The following NOPCHAP1 variants were observed in gnomAD, a reference collection of about 807,000 sequenced individuals.
The protein encoded by NOPCHAP1 is DNA damage-sensitive RNA 1.
Under a neutral mutation model 14.0 loss-of-function variants are expected in NOPCHAP1, and 13 were observed. The ratio of observed to expected loss-of-function variants is 0.93; its 90% CI spans 0.60 to 1.47. NOPCHAP1 has a LOEUF of 1.47. Among genes scored for constraint, NOPCHAP1 ranks in the 40% most tolerant of loss-of-function variants. The pLI, the probability that NOPCHAP1 is intolerant of heterozygous loss-of-function variation, is 0.00. For synonymous variants in NOPCHAP1, 78 were observed against 78.4 expected (o/e 1.00, Z 0.03); for missense variants, 230 against 226.9 (o/e 1.01, Z -0.09).
intron 3 of NOPCHAP1, among the ~76,000 whole-genome samples, chr12:104,992,840 C>G (rs1873410433): frequency 6.6e-6 from 1 of 152,150 alleles, no homozygotes; most frequent in Non-Finnish European, 1.5e-5. Context: ...GGAACAGTTT[C>G]ATCCCCAAAA....
chr12:104,990,900 C>G (rs565635650), intron 2 of NOPCHAP1, among the ~76,000 whole-genome samples: 87 of 152,312 alleles, frequency 5.7e-4, no homozygotes, highest in South Asian at 1.7e-3. Context: ...CAGTAGATTT[C>G]AGGTGCATCT....
In NOPCHAP1 at chr12:105,003,648, AAACTT is replaced by A. The variant is rs1873654016; in HGVS notation, c.*8955_*8959del. On this transcript the variant is annotated 3_prime_UTR_variant, in exon 4 of 4. Transcript: ENST00000552951. ...CTTTGGACGCCACTTCTGACACCAAAAACTTAATTGTTAAAACCTCTAGACAAATT... is the reference window on the plus strand; with the variant it reads ...CTTTGGACGCCACTTCTGACACCAAAAATTGTTAAAACCTCTAGACAAATT... 1 of 152,202 alleles carries A rather than the reference AAACTT, an allele frequency of 6.6e-6. No individual in the cohort carries two copies. Among genetic ancestry groups the A allele is most frequent in the Non-Finnish European group, 1.5e-5 (1 of 68,030 alleles). The allele number at this position is 152,202 out of a possible 1,614,324, so 9.4% of individuals were successfully genotyped here.
rs1444676221 is a variant in NOPCHAP1, at chr12:104,999,646, A to T, written c.*4950A>T. The T allele has an allele frequency of 6.7e-6, 1 of 150,178 alleles. No homozygotes were observed. Among genetic ancestry groups the T allele is most frequent in the African/African-American group, 2.5e-5 (1 of 40,346 alleles). 9.3% of individuals were successfully genotyped at this position (150,178 alleles called of 1,614,324 possible). A position where few individuals can be genotyped will look rare whatever the true frequency, so the allele number is the denominator to read the frequency against. ...TCCACTACAGATGCTCCCGCACCAA[A>T]GCCTCTGGGCTCTGCACCAGCTAGA... On this transcript the variant is annotated 3_prime_UTR_variant, in exon 4 of 4. Transcript: ENST00000552951.
rs781713189 is a variant in NOPCHAP1 at position 104,994,729 on chromosome 12, A to G, written c.*33A>G. On this transcript the variant is annotated 3_prime_UTR_variant, in exon 4 of 4. Transcript: ENST00000552951. ...AATTATCTGAAAAGAAACAGGTGAC[A>G]TATGTCTGCAAATTCTGTGAAAAAG... 1.3e-6 allele frequency: 2 copies of G among 1,535,480 alleles called. No individual in the cohort carries two copies. Among genetic ancestry groups the G allele is most frequent in the South Asian group, 2.3e-5 (2 of 86,234 alleles).
chr12:105,003,083 T>C lies in NOPCHAP1; in HGVS notation c.*8387T>C, dbSNP rs568124095. The C allele has an allele frequency of 2.6e-5, 4 of 152,340 alleles. No individual in the cohort carries two copies. The South Asian group carries it at 8.3e-4, about 32-fold the overall frequency. 9.4% of individuals were successfully genotyped at this position (152,340 alleles called of 1,614,324 possible). A position where few individuals can be genotyped will look rare whatever the true frequency, so the allele number is the denominator to read the frequency against. Reference sequence around the variant, plus strand: ...ATCATCCTTAAGCTACTTAAGGTTTTCATTTGCCTTCTGTAAGGAATCTTT... The same window carrying C: ...ATCATCCTTAAGCTACTTAAGGTTTCCATTTGCCTTCTGTAAGGAATCTTT... On this transcript the variant is annotated 3_prime_UTR_variant, in exon 4 of 4. Transcript: ENST00000552951.
chr12:105,002,511 C>T lies in NOPCHAP1; in HGVS notation c.*7815C>T, dbSNP rs139775741. Reference sequence around the variant, plus strand: ...CCCTGTAATCTGAAACTGGTTCATTCTATTTTTTGTCTATGAGATTGTATG... The same window carrying T: ...CCCTGTAATCTGAAACTGGTTCATTTTATTTTTTGTCTATGAGATTGTATG... On this transcript the variant is annotated 3_prime_UTR_variant, in exon 4 of 4. Coordinates refer to ENST00000552951, the MANE Select transcript of NOPCHAP1 (RefSeq NM_152318.3). 1 of 152,118 alleles carries T rather than the reference C, an allele frequency of 6.6e-6. No homozygotes were observed. The highest frequency in any genetic ancestry group is 1.5e-5 in the Non-Finnish European group (1 of 67,994). The allele number at this position is 152,118 out of a possible 1,614,324, so 9.4% of individuals were successfully genotyped here.
chr12:104,986,387 G>C lies in NOPCHAP1; in HGVS notation c.35G>C (p.Ser12Thr). 1 of 1,611,802 alleles carries C rather than the reference G, an allele frequency of 6.2e-7. No individual in the cohort carries two copies. The stretch of plus-strand genomic sequence containing the variant: ...CATGGCAAGCCCAAGGCTAGCCCGA[G>C]TTGTTCGTCGCCCACCCGGGATTCC... ...EVHGKPKASP[S>T]CSSPTRDSSG... Residue 12 changes from serine to threonine, a missense_variant, in exon 1 of 4, where the codon AGT becomes ACT. Physicochemically the swap from Ser to Thr is moderately conservative, Grantham distance 58. Coordinates refer to ENST00000552951, the MANE Select transcript of NOPCHAP1 (RefSeq NM_152318.3).
Position 104,996,341 on chromosome 12 carries a change from G to A in NOPCHAP1, c.*1645G>A, listed in dbSNP as rs1873501317. On this transcript the variant is annotated 3_prime_UTR_variant, in exon 4 of 4. Transcript: ENST00000552951. ...TTTATAGTTCCCCTCCTTTTAAAAA[G>A]ATGTTTTACATTTTATTATTTTCAT... 2 of 151,532 alleles carry A rather than the reference G, an allele frequency of 1.3e-5. No homozygotes were observed. Among genetic ancestry groups the A allele is most frequent in the African/African-American group, 4.9e-5 (2 of 41,202 alleles). The allele number at this position is 151,532 out of a possible 1,614,324, so 9.4% of individuals were successfully genotyped here.
At chr12:104,986,547 G>T in intron 1 of NOPCHAP1, 80 bp downstream of exon 1, 1 of 1,195,002 alleles carries the variant, frequency 8.4e-7, no homozygotes, top group Non-Finnish European at 1.1e-6. Context: ...GAGCCGGCCG[G>T]TGGCTCCCTG....
Position 104,994,715 on chromosome 12 carries a change from A to G in NOPCHAP1, c.*19A>G. 1 of 1,581,070 alleles carries G rather than the reference A, an allele frequency of 6.3e-7. No individual in the cohort carries two copies. Among genetic ancestry groups the G allele is most frequent in the Non-Finnish European group, 8.7e-7 (1 of 1,155,730 alleles). On this transcript the variant is annotated 3_prime_UTR_variant, in exon 4 of 4. Transcript: ENST00000552951. ...GAAATAGTCAAATAAATTATCTGAA[A>G]AGAAACAGGTGACATATGTCTGCAA...
intron 3 of NOPCHAP1, among the ~76,000 whole-genome samples, chr12:104,993,777 T>C (rs1015850228): frequency 2.0e-5 from 3 of 152,222 alleles, no homozygotes; most frequent in Non-Finnish European, 4.4e-5. Context: ...GGATTTGGCC[T>C]GCAGGTTGTA....
In NOPCHAP1 at chr12:104,999,620, A is replaced by T. The variant is rs1324940357; in HGVS notation, c.*4924A>T. 1.3e-5 allele frequency: 2 copies of T among 152,290 alleles called. No individual in the cohort carries two copies. Among genetic ancestry groups the T allele is most frequent in the Non-Finnish European group, 2.9e-5 (2 of 68,132 alleles). The allele number at this position is 152,290 out of a possible 1,614,324, so 9.4% of individuals were successfully genotyped here. The stretch of plus-strand genomic sequence containing the variant: ...TGGGTGATGGGCGTCCCTGGCCATG[A>T]TCCACTACAGATGCTCCCGCACCAA... On this transcript the variant is annotated 3_prime_UTR_variant, in exon 4 of 4. Transcript: ENST00000552951.
At chr12:104,986,599 CG>C in intron 1 of NOPCHAP1, 132 bp downstream of exon 1, 1 of 712,098 alleles carries the variant, frequency 1.4e-6, no homozygotes, top group Non-Finnish European at 2.1e-6. Context: ...GGGACTGCTG[CG>C]GGGCTCCGGC....
rs1408280851 is a variant in NOPCHAP1 at position 104,994,788 on chromosome 12, A to G, written c.*92A>G. 4.9e-5 allele frequency: 56 copies of G among 1,138,340 alleles called. No homozygotes were observed. Among genetic ancestry groups the G allele is most frequent in the Non-Finnish European group, 6.5e-5 (51 of 782,502 alleles). The allele number at this position is 1,138,340 out of a possible 1,614,324, so 70.5% of individuals were successfully genotyped here. A position where few individuals can be genotyped will look rare whatever the true frequency, so the allele number is the denominator to read the frequency against. On this transcript the variant is annotated 3_prime_UTR_variant, in exon 4 of 4. Transcript: ENST00000552951. ...TCACGGGTTCTTTTGCTTTTCAGGC[A>G]CCTATGGTGCTTTTATATGTTAAAA...
rs1486114997 is a variant in NOPCHAP1, at chr12:105,007,456, T to G, written c.*12760T>G. ...CTGCTTCTTGGAAGAAATTCCAACA[T>G]CACTAGTAGCACTTTATATGGTTCC... On this transcript the variant is annotated 3_prime_UTR_variant, in exon 4 of 4. Coordinates refer to ENST00000552951, the MANE Select transcript of NOPCHAP1 (RefSeq NM_152318.3). The G allele has an allele frequency of 6.6e-6, 1 of 152,200 alleles. No individual in the cohort carries two copies. The highest frequency in any genetic ancestry group is 6.5e-5 in the Admixed American group (1 of 15,280). 9.4% of individuals were successfully genotyped at this position (152,200 alleles called of 1,614,324 possible). A position where few individuals can be genotyped will look rare whatever the true frequency, so the allele number is the denominator to read the frequency against.
chr12:105,016,397 G>A lies in NOPCHAP1; in HGVS notation c.*21701G>A, dbSNP rs1873947747. On this transcript the variant is annotated 3_prime_UTR_variant, in exon 4 of 4. Coordinates refer to ENST00000552951, the MANE Select transcript of NOPCHAP1 (RefSeq NM_152318.3). Reference sequence around the variant, plus strand: ...TACCACCACTCATACATATGTAAAGGCTAATGGAGTTGTAAATGTAACTTT... The same window carrying A: ...TACCACCACTCATACATATGTAAAGACTAATGGAGTTGTAAATGTAACTTT... 1 of 152,158 alleles carries A rather than the reference G, an allele frequency of 6.6e-6. No homozygotes were observed. Among genetic ancestry groups the A allele is most frequent in the African/African-American group, 2.4e-5 (1 of 41,438 alleles). The allele number at this position is 152,158 out of a possible 1,614,324, so 9.4% of individuals were successfully genotyped here. A position where few individuals can be genotyped will look rare whatever the true frequency, so the allele number is the denominator to read the frequency against.
intron 2 of NOPCHAP1, 143 bp from the exon 3 acceptor site, chr12:104,991,569 G>A (rs1234875357): frequency 2.7e-5 from 21 of 778,552 alleles, no homozygotes; most frequent in Middle Eastern, 2.8e-4. Context: ...AGAAGAGGAT[G>A]GAGGGTTTTT....
rs1427817520 is a variant in NOPCHAP1, at chr12:105,013,814, C to T, written c.*19118C>T. 6.6e-6 allele frequency: 1 copy of T among 152,396 alleles called. No individual in the cohort carries two copies. The highest frequency in any genetic ancestry group is 1.5e-5 in the Non-Finnish European group (1 of 68,228). 9.4% of individuals were successfully genotyped at this position (152,396 alleles called of 1,614,324 possible). Reference sequence around the variant, plus strand: ...TTTGTGCTTCCCAGGTGAGGCAACACCCCACCCTTCTTCTGCTCCCCATCC... The same window carrying T: ...TTTGTGCTTCCCAGGTGAGGCAACATCCCACCCTTCTTCTGCTCCCCATCC... On this transcript the variant is annotated 3_prime_UTR_variant, in exon 4 of 4. Coordinates refer to ENST00000552951, the MANE Select transcript of NOPCHAP1 (RefSeq NM_152318.3).
Position 105,012,217 on chromosome 12 carries a change from C to T in NOPCHAP1, c.*17521C>T, listed in dbSNP as rs1432871595. The T allele has an allele frequency of 5.3e-5, 8 of 152,116 alleles. No homozygotes were observed. Among genetic ancestry groups the T allele is most frequent in the Non-Finnish European group, 7.3e-5 (5 of 68,040 alleles). The allele number at this position is 152,116 out of a possible 1,614,324, so 9.4% of individuals were successfully genotyped here. ...TTCTTTTTTCTCTAATCTGTCTTCA[C>T]GCTTTATTTCATTAAGTTGATCTTC... On this transcript the variant is annotated 3_prime_UTR_variant, in exon 4 of 4. Transcript: ENST00000552951.
Sources: gnomAD v4.1 joint callset for allele counts (sites outside exome capture counted in the v4.1 genomes callset) on GRCh38, gnomAD v4.1.1 for gene constraint, MANE v1.5 for transcripts, NCBI Gene and HGNC (gene_info 2026-07-23, HGNC 2026-07-21) for gene names.